Variants in FRMPD4 observed in about 807,000 individuals in gnomAD.
FRMPD4 encodes the protein FERM and PDZ domain-containing protein 4.
A neutral mutation model predicts 94.1 loss-of-function variants in FRMPD4; 22 were observed. That is an observed-to-expected ratio of 0.23 (90% confidence interval 0.17 to 0.33). The LOEUF (loss-of-function observed/expected upper bound fraction) is 0.33, where lower values mean the gene tolerates loss of function less well. Ranked by LOEUF, FRMPD4 falls within the 10% of genes least tolerant of loss-of-function variation. The probability of loss-of-function intolerance (pLI) is 1.00; values close to 1 mark genes in which losing one functional copy is unlikely to be tolerated. For missense variants in FRMPD4, 1,111 were observed against 1,339.9 expected (o/e 0.83, Z 2.67); for synonymous variants, 631 against 548.6 (o/e 1.15, Z -2.10).
intron 4 of FRMPD4, among the ~76,000 whole-genome samples, chrX:12,635,950 C>T (rs1174563179): frequency 8.9e-6 from 1 of 111,983 alleles, no homozygotes; most frequent in Non-Finnish European, 1.9e-5. Context: ...GGTACTTTCT[C>T]ACCCTTAGAT....
intron 1 of FRMPD4, among the ~76,000 whole-genome samples, chrX:12,258,405 T>C (rs1033688068): frequency 9.0e-6 from 1 of 111,167 alleles, no homozygotes; most frequent in African/African-American, 3.3e-5. Flanking sequence ...ATGCTCACTT[T>C]CTCTTACCAT....
intron 1 of FRMPD4, among the ~76,000 whole-genome samples, chrX:12,340,593 C>G (rs928578966): frequency 9.0e-6 from 1 of 111,607 alleles, no homozygotes; most frequent in African/African-American, 3.3e-5. Flanking sequence ...GTGAGGTCGG[C>G]CACTGTCCCC....
At chrX:12,317,024 T>C (rs1195796258) in intron 1 of FRMPD4, among the ~76,000 whole-genome samples, 2 of 112,406 alleles carry the variant, frequency 1.8e-5, no homozygotes, top group Non-Finnish European at 3.8e-5. Flanking sequence ...CCTATTGCCA[T>C]TTTAAGATCT....
intron 1 of FRMPD4, among the ~76,000 whole-genome samples, chrX:12,477,325 G>A (rs1170705759): frequency 5.4e-5 from 6 of 111,440 alleles, no homozygotes; most frequent in African/African-American, 1.6e-4. Flanking sequence ...GAAGGGGGAG[G>A]AATAGCATTA....
At chrX:11,986,883 A>G (rs1021374533) in intron 3 of FRMPD4, among the ~76,000 whole-genome samples, 1 of 109,522 alleles carries the variant, frequency 9.1e-6, no homozygotes, top group Non-Finnish European at 1.9e-5. Flanking sequence ...AACAGCCAAT[A>G]ACAAGTGATG....
chrX:12,362,953 C>T (rs184438738), intron 1 of FRMPD4, among the ~76,000 whole-genome samples: 1 of 112,023 alleles, frequency 8.9e-6, no homozygotes, highest in East Asian at 2.8e-4. Context: ...TCTCTGATGG[C>T]CAGTGATGAT....
intron 3 of FRMPD4, among the ~76,000 whole-genome samples, chrX:12,057,843 C>T (rs1410232951): frequency 1.8e-5 from 2 of 112,067 alleles, no homozygotes; most frequent in Admixed American, 9.5e-5. Flanking sequence ...TTATATAGAA[C>T]ACAATTCTCT....
At chrX:12,579,955 G>C (rs1348765448) in intron 2 of FRMPD4, among the ~76,000 whole-genome samples, 1 of 112,492 alleles carries the variant, frequency 8.9e-6, no homozygotes. Context: ...TCAGATTACA[G>C]ATTTGTTTAA....
chrX:12,112,877 A>C (rs2055378160), intron 3 of FRMPD4, among the ~76,000 whole-genome samples: 1 of 111,359 alleles, frequency 9.0e-6, no homozygotes, highest in Non-Finnish European at 1.9e-5. Context: ...ACCCAACTCC[A>C]ACCACAAGGG....
intron 1 of FRMPD4, among the ~76,000 whole-genome samples, chrX:12,441,103 ACCT>A (rs1202964774): frequency 1.8e-5 from 2 of 111,638 alleles, no homozygotes; most frequent in African/African-American, 6.5e-5. Context: ...CTACAGAACA[ACCT>A]CCTCTTCACT....
Position 12,079,627 on chromosome X carries a change from T to A in FRMPD4, c.95+201609T>A, listed in dbSNP as rs146698469. On this transcript the variant is annotated intron_variant, in intron 3 of 18. Transcript: ENST00000640291. ...TATAGATGACCCCATAAATCTAAAG[T>A]ACTGGCACTCATGAAAGATTATTTC... Among the ~76,000 whole-genome samples, 236 of 112,287 alleles carry A rather than the reference T, an allele frequency of 2.1e-3. 1 individual carries two copies. Among genetic ancestry groups the A allele is most frequent in the African/African-American group, 6.5e-3 (202 of 30,955 alleles).
chrX:12,374,254 TC>T (rs1029520390), intron 1 of FRMPD4, among the ~76,000 whole-genome samples: 1 of 111,981 alleles, frequency 8.9e-6, no homozygotes, highest in African/African-American at 3.3e-5. Context: ...GGCTACCCAT[TC>T]AAAAAGATAT....
At chrX:12,503,790 A>G (rs2057950138) in intron 2 of FRMPD4, among the ~76,000 whole-genome samples, 1 of 111,614 alleles carries the variant, frequency 9.0e-6, no homozygotes, top group Non-Finnish European at 1.9e-5. Context: ...TTATCTTCAG[A>G]TATTATTTGG....
At chrX:11,965,992 G>A (rs1237564737) in intron 3 of FRMPD4, among the ~76,000 whole-genome samples, 2 of 111,557 alleles carry the variant, frequency 1.8e-5, no homozygotes, top group African/African-American at 6.5e-5. Flanking sequence ...CTCAATCAGG[G>A]AGTATTTGTT....
At chrX:12,491,850 G>T (rs1476564826) in intron 1 of FRMPD4, among the ~76,000 whole-genome samples, 2 of 111,677 alleles carry the variant, frequency 1.8e-5, no homozygotes, top group African/African-American at 6.5e-5. Context: ...GGCATCATAT[G>T]CTTGGGAAGT....
intron 1 of FRMPD4, among the ~76,000 whole-genome samples, chrX:11,837,918 A>G (rs1035709240): frequency 9.0e-6 from 1 of 111,695 alleles, no homozygotes; most frequent in African/African-American, 3.2e-5. Flanking sequence ...AGAATCTAGC[A>G]CAGATTCTTG....
At chrX:12,086,315 G>T (rs1711819521) in intron 3 of FRMPD4, among the ~76,000 whole-genome samples, 1 of 111,841 alleles carries the variant, frequency 8.9e-6, no homozygotes, top group Non-Finnish European at 1.9e-5. Flanking sequence ...GCTTAATTTT[G>T]CATTACTCAC....
chrX:12,284,027 T>G (rs1020519543), intron 1 of FRMPD4, among the ~76,000 whole-genome samples: 1 of 112,143 alleles, frequency 8.9e-6, no homozygotes, highest in African/African-American at 3.2e-5. Flanking sequence ...CTGATAAATA[T>G]TTCAGTAAAT....
intron 3 of FRMPD4, among the ~76,000 whole-genome samples, chrX:12,610,708 A>G (rs2059174021): frequency 9.4e-6 from 1 of 106,713 alleles, no homozygotes; most frequent in Non-Finnish European, 1.9e-5. Flanking sequence ...AGATTGTGCT[A>G]CTGCACTCCA....
Sources: gnomAD v4.1 joint callset for allele counts (sites outside exome capture counted in the v4.1 genomes callset) on GRCh38, gnomAD v4.1.1 for gene constraint, MANE v1.5 for transcripts, NCBI Gene and HGNC (gene_info 2026-07-23, HGNC 2026-07-21) for gene names.